Variants in CDH12 observed in about 807,000 individuals in gnomAD.
CDH12 encodes cadherin 12.
CDH12 carries 41 observed loss-of-function variants against 74.1 expected under a neutral mutation model. That is an observed-to-expected ratio of 0.55 (90% CI 0.43 to 0.72). The LOEUF (loss-of-function observed/expected upper bound fraction) is 0.72, where lower values mean the gene tolerates loss of function less well. CDH12 is among the 30% of genes least tolerant of loss of function. The pLI, the probability that CDH12 is intolerant of heterozygous loss-of-function variation, is 0.00. For synonymous variants in CDH12, 399 were observed against 355.0 expected, an observed-to-expected ratio of 1.12 and a Z score of -1.39; for missense variants, 945 against 977.2, an observed-to-expected ratio of 0.97 and a Z score of 0.44.
chr5:22,722,880 G>A (rs1012910595), intron 1 of CDH12, among the ~76,000 whole-genome samples: 1 of 152,194 alleles, frequency 6.6e-6, no homozygotes, highest in African/African-American at 2.4e-5. Context: ...TGAGTTGTAT[G>A]TGAGCAAAGT....
At chr5:22,340,636 AT>A (rs1403142084) in intron 3 of CDH12, among the ~76,000 whole-genome samples, 5 of 152,068 alleles carry the variant, frequency 3.3e-5, no homozygotes, top group Non-Finnish European at 5.9e-5. Context: ...TTTTTTATTC[AT>A]TCACAAATAT....
chr5:21,909,247 C>A (rs181954807), intron 6 of CDH12, among the ~76,000 whole-genome samples: 12 of 152,036 alleles, frequency 7.9e-5, no homozygotes, highest in African/African-American at 1.4e-4. Context: ...AACATTGAAG[C>A]CTTCATTAAT....
intron 1 of CDH12, among the ~76,000 whole-genome samples, chr5:22,605,540 C>A (rs150138991): frequency 5.9e-5 from 9 of 152,204 alleles, no homozygotes; most frequent in Non-Finnish European, 1.2e-4. Context: ...CACCTCCCAC[C>A]TCTGAAGGTT....
chr5:22,398,050 A>G (rs1295251768), intron 3 of CDH12, among the ~76,000 whole-genome samples: 2 of 152,154 alleles, frequency 1.3e-5, no homozygotes, highest in Non-Finnish European at 2.9e-5. Flanking sequence ...GTAAGTTTAT[A>G]AGAAAGAGAG....
At chr5:21,989,133 GA>G (rs1028688346) in intron 5 of CDH12, among the ~76,000 whole-genome samples, 2 of 150,622 alleles carry the variant, frequency 1.3e-5, no homozygotes, top group African/African-American at 4.9e-5. Context: ...AGAAAGGAAG[GA>G]AAAAAGAAAA....
At chr5:22,530,485 A>T (rs1737538977) in intron 1 of CDH12, among the ~76,000 whole-genome samples, 1 of 149,552 alleles carries the variant, frequency 6.7e-6, no homozygotes, top group African/African-American at 2.4e-5. Flanking sequence ...TTAGTCCACT[A>T]AAAATACCTA....
intron 8 of CDH12, among the ~76,000 whole-genome samples, chr5:21,818,580 C>A (rs957873610): frequency 2.6e-5 from 4 of 151,816 alleles, no homozygotes. Context: ...TGCAGATCAG[C>A]CGTATTTAAA....
chr5:22,123,573 A>C (rs1174282929), intron 4 of CDH12, among the ~76,000 whole-genome samples: 1 of 152,222 alleles, frequency 6.6e-6, no homozygotes, highest in Non-Finnish European at 1.5e-5. Flanking sequence ...AAAGACAAAA[A>C]TTCCATCTGA....
At chr5:22,807,551 T>A (rs1748880097) in intron 1 of CDH12, among the ~76,000 whole-genome samples, 1 of 152,170 alleles carries the variant, frequency 6.6e-6, no homozygotes, top group South Asian at 2.1e-4. Context: ...ATTAGGCAAT[T>A]TCATCATCAT....
At chr5:21,802,878 T>C (rs1747214809) in intron 9 of CDH12, among the ~76,000 whole-genome samples, 1 of 151,998 alleles carries the variant, frequency 6.6e-6, no homozygotes, top group Non-Finnish European at 1.5e-5. Flanking sequence ...AGAAGCAAGG[T>C]AAACATTTTA....
At chr5:22,156,380 G>A (rs1748023946) in intron 4 of CDH12, among the ~76,000 whole-genome samples, 1 of 152,094 alleles carries the variant, frequency 6.6e-6, no homozygotes, top group South Asian at 2.1e-4. Flanking sequence ...AAAATTTAAT[G>A]AGCATAATTT....
intron 1 of CDH12, among the ~76,000 whole-genome samples, chr5:22,603,805 T>G (rs1210002731): frequency 1.3e-5 from 2 of 152,168 alleles, no homozygotes; most frequent in Non-Finnish European, 2.9e-5. Flanking sequence ...GATGAACCAT[T>G]ATAGATATTA....
At chr5:22,633,349 TTATA>T (rs1323523096) in intron 1 of CDH12, among the ~76,000 whole-genome samples, 26 of 152,150 alleles carry the variant, frequency 1.7e-4, no homozygotes, top group African/African-American at 6.0e-4. Flanking sequence ...GGATTCTTGT[TTATA>T]TATCTTTTCT....
intron 1 of CDH12, among the ~76,000 whole-genome samples, chr5:22,838,209 A>G (rs1353953455): frequency 6.6e-6 from 1 of 152,092 alleles, no homozygotes; most frequent in Admixed American, 6.5e-5. Flanking sequence ...TTGGCTGTAG[A>G]CCCGTAGAAG....
At chr5:22,430,299 T>A (rs1308532341) in intron 2 of CDH12, among the ~76,000 whole-genome samples, 1 of 151,998 alleles carries the variant, frequency 6.6e-6, no homozygotes, top group Non-Finnish European at 1.5e-5. Context: ...AACCTCACGG[T>A]ACACATCAGA....
intron 4 of CDH12, among the ~76,000 whole-genome samples, chr5:22,095,588 TG>T (rs1345740980): frequency 8.6e-5 from 13 of 151,550 alleles, no homozygotes; most frequent in African/African-American, 2.2e-4. Flanking sequence ...TCTGCTTTTC[TG>T]GGGGGCAAGA....
At chr5:22,316,259 A>G (rs1327978642) in intron 3 of CDH12, among the ~76,000 whole-genome samples, 1 of 151,768 alleles carries the variant, frequency 6.6e-6, no homozygotes, top group Non-Finnish European at 1.5e-5. Context: ...TTATGCTATT[A>G]AATAGCTCAT....
chr5:22,382,588 C>T (rs186521970), intron 3 of CDH12, among the ~76,000 whole-genome samples: 5 of 151,924 alleles, frequency 3.3e-5, no homozygotes, highest in East Asian at 1.9e-4. Context: ...GTCTCCTCTA[C>T]GAATTACTTG....
chr5:22,225,236 A>G (rs1303798560), intron 3 of CDH12, among the ~76,000 whole-genome samples: 1 of 152,132 alleles, frequency 6.6e-6, no homozygotes, highest in Admixed American at 6.6e-5. Context: ...AAGGATGCTA[A>G]CGTTATAAAT....
Sources: gnomAD v4.1 joint callset for allele counts (sites outside exome capture counted in the v4.1 genomes callset) on GRCh38, gnomAD v4.1.1 for gene constraint, MANE v1.5 for transcripts, NCBI Gene and HGNC (gene_info 2026-07-23, HGNC 2026-07-21) for gene names.